The following KLF9 variants were observed in gnomAD, a reference collection of about 807,000 sequenced individuals.
The protein encoded by KLF9 is Krueppel-like factor 9.
Under a neutral mutation model 17.3 loss-of-function variants are expected in KLF9, and 2 were observed. The ratio of observed to expected loss-of-function variants is 0.12; its 90% CI spans 0.05 to 0.36. KLF9 has a LOEUF of 0.36. Among genes scored for constraint, KLF9 ranks in the 10% least tolerant of loss-of-function variants. The pLI is 1.00. For missense variants in KLF9, 226 were observed against 333.2 expected (o/e 0.68, Z 2.51); for synonymous variants, 138 against 139.2 (o/e 0.99, Z 0.06).
chr9:70,391,968 A>C (rs183042837), intron 1 of KLF9, among the ~76,000 whole-genome samples: 6 of 152,242 alleles, frequency 3.9e-5, no homozygotes, highest in African/African-American at 1.4e-4. Flanking sequence ...ACAGCCTGCA[A>C]AGCTGAAAAT....
chr9:70,403,361 C>T (rs548970483), intron 1 of KLF9, among the ~76,000 whole-genome samples: 1 of 152,120 alleles, frequency 6.6e-6, no homozygotes, highest in Admixed American at 6.5e-5. Flanking sequence ...GTGACCCAGT[C>T]GTGCCACAGT....
chr9:70,413,276 C>T lies in KLF9; in HGVS notation c.88G>A (p.Ala30Thr), dbSNP rs1253893980. Residue 30 changes from alanine (A) to threonine (T), a missense_variant, in exon 1 of 2, where the codon GCT becomes ACT. Coordinates refer to ENST00000377126, the MANE Select transcript of KLF9 (RefSeq NM_001206.4). The surrounding 1 kb of genome is among the most constrained non-coding windows in gnomAD (Gnocchi z 5.6). ...NRAAVPEHGV[A>T]PDAERLRLPE... The stretch of plus-strand genomic sequence containing the variant: ...AGTCGCAGCCGCTCGGCGTCCGGAG[C>T]GACCCCATGCTCCGGCACCGCAGCG... 2 of 1,612,908 alleles carry T rather than the reference C, an allele frequency of 1.2e-6. No homozygotes were observed. The highest frequency in any genetic ancestry group is 3.3e-5 in the Admixed American group (2 of 59,986).
intron 1 of KLF9, 58 bp from the exon 2 acceptor site, chr9:70,388,063 G>A (rs1355148887): frequency 7.2e-7 from 1 of 1,392,228 alleles, no homozygotes. Flanking sequence ...AATTCCGAAG[G>A]GCGGTCATGG....
chr9:70,402,957 C>A (rs1335729640), intron 1 of KLF9, among the ~76,000 whole-genome samples: 4 of 152,046 alleles, frequency 2.6e-5, no homozygotes, highest in Non-Finnish European at 1.5e-5. Flanking sequence ...CAAGACAAGC[C>A]TGACCAACCT....
intron 1 of KLF9, among the ~76,000 whole-genome samples, chr9:70,405,583 C>A (rs1323085571): frequency 6.6e-6 from 1 of 152,192 alleles, no homozygotes; most frequent in African/African-American, 2.4e-5. Context: ...CTGGTTCTCT[C>A]AGCTCTAGAA....
At chr9:70,403,056 A>G (rs2037234073) in intron 1 of KLF9, among the ~76,000 whole-genome samples, 1 of 152,148 alleles carries the variant, frequency 6.6e-6, no homozygotes, top group Non-Finnish European at 1.5e-5. Flanking sequence ...AGGCTGAGGC[A>G]CCAGAATGGC....
At chr9:70,388,395 C>T (rs906398899) in intron 1 of KLF9, among the ~76,000 whole-genome samples, 7 of 152,210 alleles carry the variant, frequency 4.6e-5, no homozygotes, top group Non-Finnish European at 1.0e-4. Flanking sequence ...CCTGCCTCTA[C>T]CTTGGACTCC....
chr9:70,405,981 T>G (rs1302626817), intron 1 of KLF9, among the ~76,000 whole-genome samples: 1 of 152,196 alleles, frequency 6.6e-6, no homozygotes, highest in East Asian at 1.9e-4. Context: ...AAGAGAGTGC[T>G]GCTCCCATAA....
At chr9:70,411,152 C>G (rs373564667) in intron 1 of KLF9, among the ~76,000 whole-genome samples, 2 of 152,198 alleles carry the variant, frequency 1.3e-5, no homozygotes, top group Non-Finnish European at 2.9e-5. Flanking sequence ...GCCGAATGGC[C>G]CAGAACGCTG....
chr9:70,389,320 C>T (rs113004045), intron 1 of KLF9, among the ~76,000 whole-genome samples: 1 of 152,064 alleles, frequency 6.6e-6, no homozygotes, highest in Non-Finnish European at 1.5e-5. Flanking sequence ...AAGGGCTTCC[C>T]GTGCCCTTCT....
chr9:70,392,976 C>A (rs1225380992), intron 1 of KLF9, among the ~76,000 whole-genome samples: 1 of 152,180 alleles, frequency 6.6e-6, no homozygotes, highest in Non-Finnish European at 1.5e-5. Flanking sequence ...ACAATAAACT[C>A]CACTTTACTG....
At chr9:70,403,542 C>T (rs924369485) in intron 1 of KLF9, among the ~76,000 whole-genome samples, 2 of 152,108 alleles carry the variant, frequency 1.3e-5, no homozygotes, top group African/African-American at 4.8e-5. Flanking sequence ...TTGGAGACAG[C>T]CCCCACCAAC....
intron 1 of KLF9, among the ~76,000 whole-genome samples, chr9:70,393,380 T>C (rs2037163865): frequency 6.6e-6 from 1 of 152,158 alleles, no homozygotes; most frequent in African/African-American, 2.4e-5. Context: ...GAGTTCTCCA[T>C]AGAGAAGACA....
In KLF9 at chr9:70,412,934, T is replaced by G. The variant is rs776794234; in HGVS notation, c.430A>C (p.Lys144Gln). The G allele has an allele frequency of 6.2e-7, 1 of 1,614,072 alleles. No homozygotes were observed. The highest frequency in any genetic ancestry group is 2.2e-5 in the East Asian group (1 of 44,862). The change falls in exon 1 of 2, where the codon AAG becomes CAG. Residue 144 changes from lysine to glutamine, a missense_variant. Lys to Gln is a moderately conservative substitution (Grantham distance 53). Transcript: ENST00000377126. ...KGKHASEKRH[K>Q]CPYSGCGKVY... ...TTCCCACAGCCACTGTAGGGGCACTTGTGCCTCTTTTCGGAGGCGTGTTTC... is the reference window on the plus strand; with the variant it reads ...TTCCCACAGCCACTGTAGGGGCACTGGTGCCTCTTTTCGGAGGCGTGTTTC...
intron 1 of KLF9, among the ~76,000 whole-genome samples, chr9:70,394,365 A>G (rs959143508): frequency 6.6e-6 from 1 of 151,998 alleles, no homozygotes; most frequent in Non-Finnish European, 1.5e-5. Context: ...CGTGTACAAA[A>G]TAGTATATGA....
In KLF9 at chr9:70,413,339, A is replaced by C. The variant is rs1486235886; in HGVS notation, c.25T>G (p.Phe9Val). Residue 9 changes from phenylalanine (F) to valine (V), a missense_variant, in exon 1 of 2, where the codon TTC becomes GTC. Transcript: ENST00000377126. The surrounding 1 kb of genome is among the most constrained non-coding windows in gnomAD (Gnocchi z 5.6). MSAAAYMDFVAAQCLVSIS... is the reference protein window; with the variant it reads MSAAAYMDVVAAQCLVSIS... ...GAAACCAGACACTGGGCAGCCACGA[A>C]GTCCATGTAGGCGGCCGCGGACATG... The C allele has an allele frequency of 2.5e-6, 4 of 1,574,740 alleles. No individual in the cohort carries two copies. The highest frequency in any genetic ancestry group is 2.7e-5 in the African/African-American group (2 of 74,418).
chr9:70,389,764 A>G (rs2037140689), intron 1 of KLF9, among the ~76,000 whole-genome samples: 2 of 152,240 alleles, frequency 1.3e-5, no homozygotes, highest in South Asian at 2.1e-4. Flanking sequence ...TGTTCCACTT[A>G]TAAGTGACTG....
intron 1 of KLF9, among the ~76,000 whole-genome samples, chr9:70,406,603 C>CCA (rs2037256815): frequency 6.6e-6 from 1 of 152,146 alleles, no homozygotes; most frequent in African/African-American, 2.4e-5. Flanking sequence ...TGCTCAAAGA[C>CCA]CACTGAAAGA....
At position 70,413,030 on chromosome 9, in the gene KLF9, C is replaced by T; in HGVS notation, c.334G>A (p.Glu112Lys). Residue 112 changes from glutamate (E) to lysine (K), a missense_variant, in exon 1 of 2, where the codon GAG (glutamate) becomes AAG (lysine). Glu to Lys is a moderately conservative substitution (Grantham distance 56, BLOSUM62 1). Coordinates refer to ENST00000377126, the MANE Select transcript of KLF9 (RefSeq NM_001206.4). The surrounding 1 kb of genome is among the most constrained non-coding windows in gnomAD (Gnocchi z 5.6). ...GCGCTGCCAGGATCCTGTCTCTCCT[C>T]CGGGCTGTGGGAAGGACTCGACCCA... Reference protein sequence around the residue: ...ESGSSPSHSPEERQDPGSAPS... With the variant: ...ESGSSPSHSPKERQDPGSAPS... 2 of 1,614,134 alleles carry T rather than the reference C, an allele frequency of 1.2e-6. No homozygotes were observed. The highest frequency in any genetic ancestry group is 1.7e-6 in the Non-Finnish European group (2 of 1,180,002).
Sources: allele counts gnomAD v4.1 joint callset (sites outside exome capture counted in the v4.1 genomes callset), GRCh38; gene constraint gnomAD v4.1.1; non-coding constraint Gnocchi (gnomAD v3.1); transcripts MANE v1.5; gene names NCBI Gene and HGNC (gene_info 2026-07-23, HGNC 2026-07-21).